Variants in NFATC2 observed in about 807,000 individuals in gnomAD.
NFATC2 encodes nuclear factor of activated T-cells, cytoplasmic 2.
In NFATC2, 22 loss-of-function variants were observed where a neutral mutation model predicts 87.3. The ratio of observed to expected loss-of-function variants is 0.25; its 90% confidence interval spans 0.18 to 0.36. The LOEUF is 0.36. Among genes scored for constraint, NFATC2 ranks in the 10% least tolerant of loss-of-function variants. The probability of loss-of-function intolerance (pLI) is 1.00; values close to 1 mark genes in which losing one functional copy is unlikely to be tolerated. For missense variants in NFATC2, 1,149 were observed against 1,259.1 expected (o/e 0.91, Z 1.32); for synonymous variants, 565 against 542.2 (o/e 1.04, Z -0.58).
chr20:51,484,008 C>A (rs1206004712), intron 3 of NFATC2, among the ~76,000 whole-genome samples: 1 of 152,046 alleles, frequency 6.6e-6, no homozygotes, highest in Non-Finnish European at 1.5e-5. Flanking sequence ...CAGCAAACAT[C>A]TTCCTTGCAT....
chr20:51,405,017 T>C (rs935751580), intron 9 of NFATC2, among the ~76,000 whole-genome samples: 1 of 152,160 alleles, frequency 6.6e-6, no homozygotes, highest in Admixed American at 6.5e-5. Flanking sequence ...TCTGAGACTC[T>C]GGTTTCTAGT....
intron 5 of NFATC2, among the ~76,000 whole-genome samples, chr20:51,466,974 A>T (rs1057492596): frequency 6.7e-6 from 1 of 150,230 alleles, no homozygotes; most frequent in Non-Finnish European, 1.5e-5. Flanking sequence ...CGGGAGGCTG[A>T]GGCAGGAGAA....
chr20:51,433,059 G>A (rs1299850411), intron 8 of NFATC2, among the ~76,000 whole-genome samples: 2 of 152,142 alleles, frequency 1.3e-5, no homozygotes, highest in South Asian at 2.1e-4. Flanking sequence ...ACAGCTCAGA[G>A]GAGAATGCTT....
intron 1 of NFATC2, among the ~76,000 whole-genome samples, chr20:51,536,402 A>G (rs112987965): frequency 0.015 from 2,339 of 152,284 alleles, 35 homozygotes; most frequent in South Asian, 0.054. Context: ...AACTCTCAGC[A>G]AAGTTACCTT....
intron 1 of NFATC2, among the ~76,000 whole-genome samples, chr20:51,551,927 T>C (rs1470078380): frequency 2.0e-5 from 3 of 151,616 alleles, no homozygotes; most frequent in African/African-American, 7.3e-5. Context: ...CTCGGGAGGC[T>C]GAGGGAGGAG....
chr20:51,434,037 G>A (rs1343236568), intron 8 of NFATC2, among the ~76,000 whole-genome samples: 1 of 152,138 alleles, frequency 6.6e-6, no homozygotes, highest in African/African-American at 2.4e-5. Context: ...AGGGATTCCT[G>A]AGCTGCAGTC....
rs774969610 is a variant in NFATC2 at position 51,523,576 on chromosome 20, G to A, written c.665C>T (p.Pro222Leu). The A allele has an allele frequency of 1.2e-5, 20 of 1,613,886 alleles. No individual in the cohort carries two copies. The highest frequency in any genetic ancestry group is 1.7e-5 in the Non-Finnish European group (20 of 1,179,846). The change falls in exon 2 of 11, where the codon CCT becomes CTT. Residue 222 changes from proline to leucine, a missense_variant. Physicochemically the swap from Pro to Leu is moderately conservative, Grantham distance 98. Around this residue, in one of 3 missense-constraint regions of NFATC2, gnomAD observed 563 missense variants for 585.2 expected, o/e 0.96. Coordinates refer to ENST00000371564, the MANE Select transcript of NFATC2 (RefSeq NM_012340.5). The surrounding 1 kb of genome is among the most constrained non-coding windows in gnomAD (Gnocchi z 6.9). ...GCTGTCCTCGGCGAGGCTGGTTCGA[G>A]GTGACATTATTGGCGAGGTTCTGGG... ...YSPRTSPIMS[P>L]RTSLAEDSCL...
At chr20:51,486,006 C>T (rs142429934) in intron 3 of NFATC2, among the ~76,000 whole-genome samples, 216 of 152,092 alleles carry the variant, frequency 1.4e-3, no homozygotes, top group Middle Eastern at 0.014. Context: ...AGGCCAGGAG[C>T]TCAAGACCAG....
intron 1 of NFATC2, among the ~76,000 whole-genome samples, chr20:51,561,845 A>G (rs944033059): frequency 2.0e-5 from 3 of 152,078 alleles, no homozygotes; most frequent in Admixed American, 6.6e-5. Flanking sequence ...GGACATTTTC[A>G]TATCTTATGC....
At chr20:51,431,566 G>A (rs1404640384) in intron 9 of NFATC2, among the ~76,000 whole-genome samples, 5 of 152,192 alleles carry the variant, frequency 3.3e-5, no homozygotes. Flanking sequence ...CAGCCTGCCT[G>A]CAAGCTGTTC....
At position 51,523,982 on chromosome 20, in the gene NFATC2, C is replaced by T. The variant is rs767540123; in HGVS notation, c.259G>A (p.Gly87Arg). ...SLSGEPPGRF[G>R]EPDRVGPQKF... is the part of the protein sequence containing the mutation. ...TGCGGCCCTACCCTATCCGGCTCTC[C>T]GAATCGGCCGGGGGGCTCGCCAGAG... Residue 87 changes from glycine (G) to arginine (R), a missense_variant, in exon 2 of 11, where the codon GGA (glycine) becomes AGA (arginine). Transcript: ENST00000371564. This position sits in a 1 kb window ranked among gnomAD's most constrained non-coding sequence, Gnocchi z 6.9. The T allele has an allele frequency of 8.3e-6, 13 of 1,575,252 alleles. No individual in the cohort carries two copies. Among genetic ancestry groups the T allele is most frequent in the Non-Finnish European group, 1.1e-5 (13 of 1,166,654 alleles).
rs745748726 is a variant in NFATC2, at chr20:51,475,667, G to T, written c.1333-7C>A. ...TTTCCATGTAGCCATGGAGCTGGTG[G>T]GGGAGAAAACAAAATCATTAAGGTG... On this transcript the variant is annotated splice_polypyrimidine_tract_variant and splice_region_variant and intron_variant, in intron 3 of 10. Coordinates refer to ENST00000371564, the MANE Select transcript of NFATC2 (RefSeq NM_012340.5). The T allele has an allele frequency of 6.2e-7, 1 of 1,613,878 alleles. No individual in the cohort carries two copies. Among genetic ancestry groups the T allele is most frequent in the African/African-American group, 1.3e-5 (1 of 74,996 alleles).
At chr20:51,454,823 C>T (rs764646443) in intron 5 of NFATC2, 135 bp from the exon 6 acceptor site, 14 of 966,528 alleles carry the variant, frequency 1.4e-5, no homozygotes, top group Admixed American at 7.6e-5. Context: ...AATGTGGAAC[C>T]ATCACCCCTG....
At chr20:51,551,660 C>T (rs533798121) in intron 1 of NFATC2, among the ~76,000 whole-genome samples, 1 of 150,476 alleles carries the variant, frequency 6.6e-6, no homozygotes, top group Non-Finnish European at 1.5e-5. Context: ...CCGCATCTGG[C>T]CTTTTTAAAA....
intron 3 of NFATC2, among the ~76,000 whole-genome samples, chr20:51,483,114 C>T (rs749203577): frequency 3.3e-5 from 5 of 152,196 alleles, no homozygotes; most frequent in Non-Finnish European, 7.3e-5. Flanking sequence ...GCCTGTGGAT[C>T]CCTGCAGCCA....
At chr20:51,454,147 G>A (rs1986138951) in intron 6 of NFATC2, among the ~76,000 whole-genome samples, 1 of 152,156 alleles carries the variant, frequency 6.6e-6, no homozygotes, top group Non-Finnish European at 1.5e-5. Flanking sequence ...GGATCACCAA[G>A]CAAGCAGATA....
chr20:51,429,049 C>G (rs1276406900), intron 9 of NFATC2, among the ~76,000 whole-genome samples: 3 of 152,224 alleles, frequency 2.0e-5, no homozygotes, highest in Non-Finnish European at 2.9e-5. Flanking sequence ...TTCCAGTTTA[C>G]TTGTCAGAAA....
At chr20:51,502,227 G>A (rs1391690819) in intron 3 of NFATC2, among the ~76,000 whole-genome samples, 2 of 152,152 alleles carry the variant, frequency 1.3e-5, no homozygotes, top group Admixed American at 1.3e-4. Context: ...CAAGATAAGA[G>A]GAAAACCACT....
intron 1 of NFATC2, among the ~76,000 whole-genome samples, chr20:51,561,870 C>T (rs891580009): frequency 3.9e-5 from 6 of 152,034 alleles, no homozygotes; most frequent in Non-Finnish European, 8.8e-5. Flanking sequence ...TATAGTTAAC[C>T]CCCTCCCATA....
Sources: allele counts gnomAD v4.1 joint callset (sites outside exome capture counted in the v4.1 genomes callset), GRCh38; gene constraint gnomAD v4.1.1; regional missense constraint gnomAD v4.1.1; non-coding constraint Gnocchi (gnomAD v3.1); transcripts MANE v1.5; gene names NCBI Gene and HGNC (gene_info 2026-07-23, HGNC 2026-07-21).